FAF1: variants seen among roughly 807,000 people sequenced by gnomAD.
FAF1 encodes Fas associated factor 1.
Under a neutral mutation model 92.5 loss-of-function variants are expected in FAF1, and 25 were observed. The observed-to-expected ratio is 0.27, with a 90% CI of 0.20 to 0.38. The LOEUF (loss-of-function observed/expected upper bound fraction) is 0.38, where lower values mean the gene tolerates loss of function less well. Among genes scored for constraint, FAF1 ranks in the 10% least tolerant of loss-of-function variants. The pLI, the probability that FAF1 is intolerant of heterozygous loss-of-function variation, is 1.00. For missense variants in FAF1, 636 were observed against 793.3 expected (o/e 0.80, Z 2.38); for synonymous variants, 234 against 273.2 (o/e 0.86, Z 1.42).
chr1:50,923,643 C>T (rs1189402292), intron 1 of FAF1, among the ~76,000 whole-genome samples: 2 of 152,110 alleles, frequency 1.3e-5, no homozygotes, highest in Non-Finnish European at 2.9e-5. Context: ...AACTACAGGT[C>T]AATATCCCTG....
intron 8 of FAF1, among the ~76,000 whole-genome samples, chr1:50,614,579 C>T (rs539523274): frequency 6.6e-6 from 1 of 152,128 alleles, no homozygotes; most frequent in South Asian, 2.1e-4. Flanking sequence ...GTAGCTCACA[C>T]CTGTAATCCC....
At chr1:50,716,856 C>T (rs1658197774) in intron 6 of FAF1, among the ~76,000 whole-genome samples, 1 of 152,206 alleles carries the variant, frequency 6.6e-6, no homozygotes, top group African/African-American at 2.4e-5. Flanking sequence ...AGTGGCGACC[C>T]ACTCGGGTCC....
intron 8 of FAF1, among the ~76,000 whole-genome samples, chr1:50,625,979 T>C (rs1043422960): frequency 6.6e-6 from 1 of 152,156 alleles, no homozygotes; most frequent in African/African-American, 2.4e-5. Context: ...ATGGTAAGAA[T>C]GGTGGAACTA....
chr1:50,494,817 A>C (rs1646880027), intron 15 of FAF1, among the ~76,000 whole-genome samples: 1 of 152,212 alleles, frequency 6.6e-6, no homozygotes. Context: ...TGGATGAATA[A>C]ATGGAATTAT....
At chr1:50,492,687 C>A (rs941510595) in intron 15 of FAF1, among the ~76,000 whole-genome samples, 1 of 152,096 alleles carries the variant, frequency 6.6e-6, no homozygotes, top group Admixed American at 6.5e-5. Context: ...ATATTTGTGA[C>A]CTATAAAACT....
chr1:50,888,387 C>G (rs989266968), intron 1 of FAF1, among the ~76,000 whole-genome samples: 1 of 152,148 alleles, frequency 6.6e-6, no homozygotes, highest in African/African-American at 2.4e-5. Context: ...TGCCTGATTG[C>G]CCTGGCCAGA....
At position 50,556,329 on chromosome 1, in the gene FAF1, T is replaced by A. The variant is rs1649580878; in HGVS notation, c.1268+10748A>T. Among the ~76,000 whole-genome samples the A allele has an allele frequency of 3.3e-5, 5 of 150,738 alleles. No individual in the cohort carries two copies. The South Asian group carries it at 1.1e-3, about 32-fold the overall frequency. ...CATGTTCTCACTTAGAAGTGGAAGC[T>A]AACTATGGTTATGCAGGGGCCTATA... is the stretch of plus-strand genomic sequence containing the variant. On this transcript the variant is annotated intron_variant, in intron 13 of 18. Transcript: ENST00000396153.
At chr1:50,721,550 C>T (rs1383069750) in intron 6 of FAF1, among the ~76,000 whole-genome samples, 1 of 152,068 alleles carries the variant, frequency 6.6e-6, no homozygotes, top group Non-Finnish European at 1.5e-5. Flanking sequence ...CAGACATTTA[C>T]TTACATATAT....
intron 7 of FAF1, among the ~76,000 whole-genome samples, chr1:50,686,302 G>A (rs935594617): frequency 2.6e-5 from 4 of 152,070 alleles, no homozygotes; most frequent in Non-Finnish European, 5.9e-5. Context: ...CAGCACTTTG[G>A]GAGGCCAAGG....
At chr1:50,629,167 T>A (rs1158053149) in intron 8 of FAF1, among the ~76,000 whole-genome samples, 1 of 150,032 alleles carries the variant, frequency 6.7e-6, no homozygotes, top group African/African-American at 2.5e-5. Context: ...GATGCTTTTT[T>A]TTTTTTTTTT....
At chr1:50,589,758 A>G (rs1253535530) in intron 9 of FAF1, among the ~76,000 whole-genome samples, 1 of 152,180 alleles carries the variant, frequency 6.6e-6, no homozygotes, top group East Asian at 1.9e-4. Flanking sequence ...TGCCAAATCC[A>G]ATGTCATAAA....
chr1:50,755,734 T>C (rs112282787), intron 4 of FAF1, among the ~76,000 whole-genome samples: 10,123 of 152,258 alleles, frequency 0.066, 417 homozygotes, highest in East Asian at 0.094. Flanking sequence ...TTCTGAAATA[T>C]AGGCAGAGGT....
At chr1:50,852,277 A>T (rs1056786257) in intron 2 of FAF1, among the ~76,000 whole-genome samples, 2 of 152,216 alleles carry the variant, frequency 1.3e-5, no homozygotes, top group Non-Finnish European at 2.9e-5. Context: ...AGAAAAAGTA[A>T]TATCAGTAAG....
intron 1 of FAF1, among the ~76,000 whole-genome samples, chr1:50,889,272 T>C (rs1644698212): frequency 6.6e-6 from 1 of 152,324 alleles, no homozygotes; most frequent in Middle Eastern, 3.4e-3. Context: ...TTTATTAGTC[T>C]TGCTAGCAGT....
At chr1:50,678,776 CAAAAAA>C (rs58946586) in intron 7 of FAF1, among the ~76,000 whole-genome samples, 26 of 13,922 alleles carry the variant, frequency 1.9e-3, no homozygotes, top group African/African-American at 4.6e-3. Context: ...GACTCCATCT[CAAAAAA>C]AAAAAAAAAA....
At position 50,645,481 on chromosome 1, in the gene FAF1, C is replaced by T. The variant is rs116809636; in HGVS notation, c.744+9961G>A. Among the ~76,000 whole-genome samples, 1,186 of 152,314 alleles carry T rather than the reference C, an allele frequency of 7.8e-3. 5 individuals carry two copies. Among genetic ancestry groups the T allele is most frequent in the African/African-American group, 0.027 (1,112 of 41,578 alleles). On this transcript the variant is annotated intron_variant, in intron 8 of 18. Coordinates refer to ENST00000396153, the MANE Select transcript of FAF1 (RefSeq NM_007051.3). ...TGGGCCACATGGTCTTTGTTTGCAA[C>T]TATATATCCCTGCTTATAGTGTGAC...
At chr1:50,900,842 T>G (rs1644790666) in intron 1 of FAF1, among the ~76,000 whole-genome samples, 1 of 152,154 alleles carries the variant, frequency 6.6e-6, no homozygotes, top group African/African-American at 2.4e-5. Context: ...TATGTGTGTG[T>G]GGGTATACAT....
chr1:50,821,692 T>A (rs1236843919), intron 2 of FAF1, among the ~76,000 whole-genome samples: 3 of 152,186 alleles, frequency 2.0e-5, no homozygotes, highest in Non-Finnish European at 4.4e-5. Context: ...TTTATCAGGT[T>A]TTTATGAAAC....
At chr1:50,554,600 A>T (rs902051238) in intron 13 of FAF1, among the ~76,000 whole-genome samples, 4 of 152,056 alleles carry the variant, frequency 2.6e-5, no homozygotes, top group African/African-American at 9.7e-5. Context: ...GAAGAAAATT[A>T]CTGTCGTCTT....
Sources: allele counts gnomAD v4.1 joint callset (sites outside exome capture counted in the v4.1 genomes callset), GRCh38; gene constraint gnomAD v4.1.1; transcripts MANE v1.5; gene names NCBI Gene and HGNC (gene_info 2026-07-23, HGNC 2026-07-21).